The following RPS6KC1 variants were observed in gnomAD, a reference collection of about 807,000 sequenced individuals.
RPS6KC1 encodes inactive ribosomal protein S6 kinase delta-1.
A neutral mutation model predicts 103.8 loss-of-function variants in RPS6KC1; 54 were observed. The observed-to-expected ratio is 0.52, with a 90% CI of 0.42 to 0.65. RPS6KC1 has a LOEUF of 0.65. Among genes scored for constraint, RPS6KC1 ranks in the 30% least tolerant of loss-of-function variants. The pLI, the probability that RPS6KC1 is intolerant of heterozygous loss-of-function variation, is 0.00. For missense variants in RPS6KC1, 1,151 were observed against 1,253.8 expected (o/e 0.92, Z 1.24); for synonymous variants, 439 against 438.7 (o/e 1.00, Z -0.01).
At chr1:213,187,418 G>A (rs1487544451) in intron 8 of RPS6KC1, among the ~76,000 whole-genome samples, 1 of 151,316 alleles carries the variant, frequency 6.6e-6, no homozygotes, top group Non-Finnish European at 1.5e-5. Flanking sequence ...ATAATTTTTG[G>A]CATTTTTAGT....
At chr1:213,126,766 C>T (rs991593059) in intron 5 of RPS6KC1, among the ~76,000 whole-genome samples, 3 of 152,116 alleles carry the variant, frequency 2.0e-5, no homozygotes, top group African/African-American at 7.2e-5. Context: ...TAAAGTTTTA[C>T]TGGAACACAG....
chr1:213,215,259 A>G (rs190048683), intron 8 of RPS6KC1, among the ~76,000 whole-genome samples: 9 of 152,364 alleles, frequency 5.9e-5, no homozygotes, highest in East Asian at 5.8e-4. Flanking sequence ...GATGCGATCA[A>G]CTGGAAGAAA....
chr1:213,339,431 T>A, the RPS6KC1 span, among the ~76,000 whole-genome samples: 1 of 152,214 alleles, frequency 6.6e-6, no homozygotes. Context: ...CAGCTGAGCC[T>A]GGTCCAAATT....
chr1:213,212,418 C>G (rs1160908026), intron 8 of RPS6KC1, among the ~76,000 whole-genome samples: 1 of 152,130 alleles, frequency 6.6e-6, no homozygotes, highest in Non-Finnish European at 1.5e-5. Flanking sequence ...CTTGACAGCT[C>G]ATTTATTTTT....
intron 8 of RPS6KC1, among the ~76,000 whole-genome samples, chr1:213,182,258 G>C (rs1233592938): frequency 6.6e-6 from 1 of 152,142 alleles, no homozygotes; most frequent in Non-Finnish European, 1.5e-5. Context: ...TTGGGAAACT[G>C]AGGTGGGTGG....
the RPS6KC1 span, among the ~76,000 whole-genome samples, chr1:213,727,805 A>G: frequency 6.6e-6 from 1 of 152,252 alleles, no homozygotes; most frequent in South Asian, 2.1e-4. Flanking sequence ...AGGACAAAAA[A>G]TGGTGAAAAC....
At chr1:213,223,977 G>A (rs978860328) in intron 8 of RPS6KC1, among the ~76,000 whole-genome samples, 2 of 152,170 alleles carry the variant, frequency 1.3e-5, no homozygotes, top group African/African-American at 4.8e-5. Context: ...CAGACTTCCA[G>A]TGTCAACATT....
chr1:213,840,944 T>G, the RPS6KC1 span: 1 of 152,136 alleles, frequency 6.6e-6, no homozygotes, highest in Non-Finnish European at 1.5e-5. Context: ...GAGAGAAAAC[T>G]TTTTTCCCAG....
the RPS6KC1 span, among the ~76,000 whole-genome samples, chr1:213,374,273 T>C: frequency 6.6e-6 from 1 of 152,228 alleles, no homozygotes; most frequent in East Asian, 1.9e-4. Context: ...AGATTCACAG[T>C]GTTCATTAGT....
intron 4 of RPS6KC1, among the ~76,000 whole-genome samples, chr1:213,106,772 T>C (rs1247676849): frequency 6.6e-6 from 1 of 152,202 alleles, no homozygotes; most frequent in African/African-American, 2.4e-5. Context: ...TCAGAAATTA[T>C]CAGTATATTG....
At chr1:213,212,031 C>A (rs143545212) in intron 8 of RPS6KC1, among the ~76,000 whole-genome samples, 1 of 152,116 alleles carries the variant, frequency 6.6e-6, no homozygotes, top group Admixed American at 6.6e-5. Flanking sequence ...TGTCAACAAC[C>A]CCCACCAGAG....
intron 2 of RPS6KC1, 66 bp from the exon 3 acceptor site, chr1:213,077,630 T>C: frequency 1.0e-6 from 1 of 1,002,500 alleles, no homozygotes; most frequent in Non-Finnish European, 1.4e-6. Flanking sequence ...ATGAAAGGAT[T>C]ATTTGTTGTT....
chr1:213,139,877 A>T (rs939385905), intron 6 of RPS6KC1, among the ~76,000 whole-genome samples: 1 of 152,070 alleles, frequency 6.6e-6, no homozygotes, highest in Non-Finnish European at 1.5e-5. Flanking sequence ...TATTCTGTGA[A>T]AAAATGTCAT....
At chr1:213,398,028 C>T in the RPS6KC1 span, among the ~76,000 whole-genome samples, 4 of 151,294 alleles carry the variant, frequency 2.6e-5, no homozygotes, top group Non-Finnish European at 4.4e-5. Flanking sequence ...CAGCTTTGAC[C>T]GTCTTTTTTT....
intron 12 of RPS6KC1, among the ~76,000 whole-genome samples, chr1:213,260,703 G>C (rs2094768356): frequency 6.9e-6 from 1 of 145,764 alleles, no homozygotes; most frequent in Non-Finnish European, 1.5e-5. Context: ...AAGGCTTCGG[G>C]ACTAATTTAA....
chr1:213,468,667 C>G, the RPS6KC1 span, among the ~76,000 whole-genome samples: 1 of 152,070 alleles, frequency 6.6e-6, no homozygotes, highest in Non-Finnish European at 1.5e-5. Context: ...GTGGTTAATC[C>G]AGATCAATAC....
At chr1:213,859,778 A>C in the RPS6KC1 span, among the ~76,000 whole-genome samples, 1 of 152,180 alleles carries the variant, frequency 6.6e-6, no homozygotes, top group African/African-American at 2.4e-5. Flanking sequence ...TTGCTTTTGG[A>C]ACTTTTTCTC....
chr1:213,750,154 C>G, the RPS6KC1 span, among the ~76,000 whole-genome samples: 11,386 of 152,246 alleles, frequency 0.075, 565 homozygotes, highest in Middle Eastern at 0.2. Flanking sequence ...GGGACAATGT[C>G]TCCATGATTA....
chr1:213,437,950 T>G, the RPS6KC1 span, among the ~76,000 whole-genome samples: 105,412 of 151,568 alleles, frequency 0.7, 36,869 homozygotes, highest in East Asian at 0.86. Flanking sequence ...TTTTCTTTTT[T>G]ATTTCTTCTT....
Sources: gnomAD v4.1 joint callset for allele counts (sites outside exome capture counted in the v4.1 genomes callset) on GRCh38, gnomAD v4.1.1 for gene constraint, MANE v1.5 for transcripts, NCBI Gene and HGNC (gene_info 2026-07-23, HGNC 2026-07-21) for gene names.